Variants in PCDHA10 observed in about 807,000 individuals in gnomAD.
PCDHA10 encodes protocadherin alpha 10.
A neutral mutation model predicts 61.2 loss-of-function variants in PCDHA10; 45 were observed. The ratio of observed to expected loss-of-function variants is 0.74; its 90% CI spans 0.58 to 0.94. PCDHA10 has a LOEUF of 0.94. Ranked by LOEUF, PCDHA10 falls within the 40% of genes least tolerant of loss-of-function variation. The probability of loss-of-function intolerance (pLI) is 0.00; values close to 1 mark genes in which losing one functional copy is unlikely to be tolerated. For missense variants in PCDHA10, 1,278 were observed against 1,236.2 expected, an observed-to-expected ratio of 1.03 and a Z score of -0.51; for synonymous variants, 602 against 548.8, an observed-to-expected ratio of 1.10 and a Z score of -1.35.
In PCDHA10 at chr5:140,858,295, G is replaced by T. The variant is rs190932191; in HGVS notation, c.2247G>T (p.Ser749=). 8.8e-5 allele frequency: 140 copies of T among 1,597,360 alleles called. 13 individuals are homozygous for T. Among genetic ancestry groups the T allele is most frequent in the African/African-American group, 2.6e-4 (19 of 74,394 alleles). The part of the protein sequence containing the change: ...CSSAVGSWSY[S]QQRRQRVCSG... The stretch of plus-strand genomic sequence containing the variant: ...GCGCGGTGGGGAGCTGGTCTTACTC[G>T]CAGCAGAGGCGGCAGAGGGTGTGTT... Residue 749 remains serine, a synonymous_variant, in exon 1 of 4, where the codon TCG becomes TCT. Transcript: ENST00000307360.
At chr5:140,983,617 G>C (rs868994554) in intron 3 of PCDHA10, among the ~76,000 whole-genome samples, 1 of 152,228 alleles carries the variant, frequency 6.6e-6, no homozygotes, top group Admixed American at 6.5e-5. Context: ...GAGGCAGAGA[G>C]ATTAAGAAAT....
intron 1 of PCDHA10, chr5:140,884,824 T>C: frequency 1.0e-6 from 1 of 993,590 alleles, no homozygotes; most frequent in Non-Finnish European, 1.4e-6. Context: ...ACATTATGTG[T>C]TGGATTATCC....
At chr5:140,972,005 C>T (rs1236779874) in intron 1 of PCDHA10, among the ~76,000 whole-genome samples, 1 of 151,980 alleles carries the variant, frequency 6.6e-6, no homozygotes, top group Admixed American at 6.6e-5. Flanking sequence ...GTTTATATTC[C>T]CTTTTATATG....
intron 2 of PCDHA10, among the ~76,000 whole-genome samples, chr5:140,981,118 G>A (rs1205022984): frequency 6.6e-6 from 1 of 152,196 alleles, no homozygotes; most frequent in Admixed American, 6.5e-5. Flanking sequence ...TACTGGATAT[G>A]TTGTTTGAAG....
chr5:140,963,680 T>G (rs1482854996), intron 1 of PCDHA10, among the ~76,000 whole-genome samples: 1 of 152,238 alleles, frequency 6.6e-6, no homozygotes, highest in African/African-American at 2.4e-5. Context: ...TTAAATGTGT[T>G]TATCCGTGTT....
rs782310474 is a variant in PCDHA10 at position 140,858,120 on chromosome 5, T to C, written c.2072T>C (p.Leu691Pro). 9 of 1,597,738 alleles carry C rather than the reference T, an allele frequency of 5.6e-6. 1 individual carries two copies. In the Admixed American group the frequency reaches 1.5e-4, roughly 27 times the overall value. Reference protein sequence around the residue: ...ASVGVAPEVALVDVNVYLIIA... With the variant: ...ASVGVAPEVAPVDVNVYLIIA... ...GTGGGCGTGGCGCCCGAGGTGGCCC[T>C]GGTGGATGTCAACGTGTACCTGATC... Residue 691 changes from leucine to proline, a missense_variant, in exon 1 of 4, where the codon CTG becomes CCG. By Grantham distance (98) the Leu-to-Pro change is moderately conservative (BLOSUM62 -3). Coordinates refer to ENST00000307360, the MANE Select transcript of PCDHA10 (RefSeq NM_018901.4).
At chr5:140,982,439 G>T in intron 2 of PCDHA10, 36 bp from the exon 3 acceptor site, 1 of 1,613,560 alleles carries the variant, frequency 6.2e-7, no homozygotes, top group Non-Finnish European at 8.5e-7. Context: ...AAGAATTTAT[G>T]ATCTAACCGT....
chr5:140,978,778 T>C, intron 1 of PCDHA10, 171 bp from the exon 2 acceptor site: 1 of 968,888 alleles, frequency 1.0e-6, no homozygotes, highest in Non-Finnish European at 1.2e-6. Context: ...CTAATTTTCT[T>C]CTAAAGTGCT....
chr5:140,929,166 C>T (rs782695019), intron 1 of PCDHA10: 1 of 1,614,146 alleles, frequency 6.2e-7, no homozygotes, highest in Non-Finnish European at 8.5e-7. Context: ...TCTATCGGGC[C>T]TCTCTGGGAC....
chr5:140,928,802 TG>T, intron 1 of PCDHA10: 1 of 1,614,142 alleles, frequency 6.2e-7, no homozygotes, highest in South Asian at 1.1e-5. Context: ...GTGGTGGTAG[TG>T]GTTCGGGACC....
chr5:140,868,938 T>A (rs2050744008), intron 1 of PCDHA10: 1 of 1,227,724 alleles, frequency 8.1e-7, no homozygotes, highest in Non-Finnish European at 1.1e-6. Flanking sequence ...AAGGTTGGTC[T>A]GAACAGTGAG....
chr5:140,893,388 CATG>C (rs2063965035), intron 1 of PCDHA10, among the ~76,000 whole-genome samples: 1 of 152,132 alleles, frequency 6.6e-6, no homozygotes, highest in South Asian at 2.1e-4. Context: ...GACAGTGGCT[CATG>C]CCTGTAATCC....
intron 1 of PCDHA10, chr5:140,870,490 G>T: frequency 1.2e-6 from 2 of 1,614,234 alleles, no homozygotes; most frequent in Non-Finnish European, 8.5e-7. Flanking sequence ...CACCGTGTTC[G>T]TGAAGGAGAA....
chr5:140,972,978 A>G (rs1392208477), intron 1 of PCDHA10, among the ~76,000 whole-genome samples: 1 of 152,058 alleles, frequency 6.6e-6, no homozygotes, highest in African/African-American at 2.4e-5. Flanking sequence ...ACCAAATCTT[A>G]AGGTAGATTC....
intron 1 of PCDHA10, among the ~76,000 whole-genome samples, chr5:140,922,803 A>G (rs2080995467): frequency 6.6e-6 from 1 of 152,246 alleles, no homozygotes; most frequent in African/African-American, 2.4e-5. Flanking sequence ...TGGAATACAG[A>G]AAAAGGAGAT....
rs2098417418 is a variant in PCDHA10, at chr5:141,010,475, T to A, written c.*538T>A. On this transcript the variant is annotated 3_prime_UTR_variant, in exon 4 of 4. Coordinates refer to ENST00000307360, the MANE Select transcript of PCDHA10 (RefSeq NM_018901.4). ...GGAAGTTATCAGTATGGAGGGGAAG[T>A]GTAAACTTAAAGGGACCAGACTTTC... 16 of 757,310 alleles carry A rather than the reference T, an allele frequency of 2.1e-5. No homozygotes were observed. The highest frequency in any genetic ancestry group is 3.0e-5 in the Non-Finnish European group (15 of 502,774). 46.9% of individuals were successfully genotyped at this position (757,310 alleles called of 1,614,324 possible). A position where few individuals can be genotyped will look rare whatever the true frequency, so the allele number is the denominator to read the frequency against.
rs2045496791 is a variant in PCDHA10 at position 140,858,579 on chromosome 5, T to C, written c.2388+143T>C. 3 of 1,349,862 alleles carry C rather than the reference T, an allele frequency of 2.2e-6. No individual in the cohort carries two copies. In the East Asian group the frequency reaches 7.4e-5, roughly 33 times the overall value. The allele number at this position is 1,349,862 out of a possible 1,614,324, so 83.6% of individuals were successfully genotyped here. On this transcript the variant is annotated intron_variant, in intron 1 of 3. Transcript: ENST00000307360. Reference sequence around the variant, plus strand: ...AATATTTCTAGTGATACCTTTGTAATATAATTTATTCCAGGAGTTTTAAAA... The same window carrying C: ...AATATTTCTAGTGATACCTTTGTAACATAATTTATTCCAGGAGTTTTAAAA...
At chr5:140,955,720 T>C (rs921545021) in intron 1 of PCDHA10, among the ~76,000 whole-genome samples, 7 of 152,354 alleles carry the variant, frequency 4.6e-5, no homozygotes, top group East Asian at 1.9e-4. Flanking sequence ...AGGAATACCA[T>C]TGAATCTATA....
chr5:140,876,860 T>C (rs2056650252), intron 1 of PCDHA10: 1 of 1,613,918 alleles, frequency 6.2e-7, no homozygotes, highest in African/African-American at 1.3e-5. Context: ...TACACAGTGT[T>C]CGTGAAGGAG....
Sources: allele counts gnomAD v4.1 joint callset (sites outside exome capture counted in the v4.1 genomes callset), GRCh38; gene constraint gnomAD v4.1.1; transcripts MANE v1.5; gene names NCBI Gene and HGNC (gene_info 2026-07-23, HGNC 2026-07-21).